The following DLX4 variants were observed in gnomAD, a reference collection of about 807,000 sequenced individuals.
DLX4 encodes distal-less homeobox 4.
Under a neutral mutation model 17.1 loss-of-function variants are expected in DLX4, and 13 were observed. The ratio of observed to expected loss-of-function variants is 0.76; its 90% CI spans 0.49 to 1.21. The LOEUF is 1.21. DLX4 is among the 50% of genes most tolerant of loss of function. The probability of loss-of-function intolerance (pLI) is 0.00; values close to 1 mark genes in which losing one functional copy is unlikely to be tolerated. For missense variants in DLX4, 297 were observed against 301.4 expected, an observed-to-expected ratio of 0.99 and a Z score of 0.11; for synonymous variants, 129 against 140.3, an observed-to-expected ratio of 0.92 and a Z score of 0.57.
In DLX4 at chr17:49,972,762, C is replaced by T. The variant is rs928918594; in HGVS notation, c.284-311C>T. The T allele has an allele frequency of 4.6e-5, 64 of 1,390,170 alleles. No individual in the cohort carries two copies. Among genetic ancestry groups the T allele is most frequent in the Non-Finnish European group, 5.7e-5 (61 of 1,078,640 alleles). 86.1% of individuals were successfully genotyped at this position (1,390,170 alleles called of 1,614,324 possible). A position where few individuals can be genotyped will look rare whatever the true frequency, so the allele number is the denominator to read the frequency against. ...ACCGCCCGTGGCTGAACTCCGACCTCCCACCGCAGGCGCCGCGGTACCCTG... is the reference window on the plus strand; with the variant it reads ...ACCGCCCGTGGCTGAACTCCGACCTTCCACCGCAGGCGCCGCGGTACCCTG... On this transcript the variant is annotated intron_variant, in intron 1 of 2. Transcript: ENST00000240306. The surrounding 1 kb of genome is among the most constrained non-coding windows in gnomAD (Gnocchi z 5.4).
chr17:49,973,363 T>A (rs1313418511), intron 2 of DLX4, 94 bp downstream of exon 2: 1 of 1,503,172 alleles, frequency 6.7e-7, no homozygotes, highest in Non-Finnish European at 9.0e-7. Context: ...GATGGATTGG[T>A]GCTGTGGCCC....
rs777442358 is a variant in DLX4 at position 49,973,302 on chromosome 17, C to T, written c.480+33C>T. ...CAGTGTCGTCCTTCCCCATCTCTCACCTTCCCTGGTTCTCTGGGAACTCAT... is the reference window on the plus strand; with the variant it reads ...CAGTGTCGTCCTTCCCCATCTCTCATCTTCCCTGGTTCTCTGGGAACTCAT... On this transcript the variant is annotated intron_variant, in intron 2 of 2. Transcript: ENST00000240306. 1.9e-6 allele frequency: 3 copies of T among 1,608,384 alleles called. No homozygotes were observed. In the Admixed American group the frequency reaches 5.0e-5, roughly 27 times the overall value.
intron 1 of DLX4, among the ~76,000 whole-genome samples, chr17:49,971,168 G>C (rs1905489969): frequency 1.3e-5 from 2 of 152,178 alleles, no homozygotes; most frequent in South Asian, 2.1e-4. Context: ...GCTGGCAGTA[G>C]GGTTGGTGTT....
In DLX4 at chr17:49,974,259, G is replaced by A. The variant is rs1036138803; in HGVS notation, c.*316G>A. On this transcript the variant is annotated 3_prime_UTR_variant, in exon 3 of 3. Coordinates refer to ENST00000240306, the MANE Select transcript of DLX4 (RefSeq NM_138281.3). The stretch of plus-strand genomic sequence containing the variant: ...GACTGTCCCCAGAACCCTTGGTCTT[G>A]CCACTCCCCCACTCCTTCTTCCCTC... 2.5e-5 allele frequency: 6 copies of A among 238,250 alleles called. No individual in the cohort carries two copies. The highest frequency in any genetic ancestry group is 1.3e-4 in the African/African-American group (6 of 44,594). 14.8% of individuals were successfully genotyped at this position (238,250 alleles called of 1,614,324 possible).
In DLX4 at chr17:49,972,287, C is replaced by G. The variant is rs1049526572; in HGVS notation, c.284-786C>G. 1.3e-5 allele frequency: 2 copies of G among 152,356 alleles called. No homozygotes were observed. Among genetic ancestry groups the G allele is most frequent in the South Asian group, 2.1e-4 (1 of 4,836 alleles). The allele number at this position is 152,356 out of a possible 1,614,324, so 9.4% of individuals were successfully genotyped here. ...CAGCGCGATCCAGGAGTGGCCCCGC[C>G]GGGCTACGCTGCGCGCTCTTGGAAC... On this transcript the variant is annotated intron_variant, in intron 1 of 2. Transcript: ENST00000240306. The surrounding 1 kb of genome is among the most constrained non-coding windows in gnomAD (Gnocchi z 5.4).
At chr17:49,970,171 C>T (rs1057482025) in intron 1 of DLX4, among the ~76,000 whole-genome samples, 7 of 152,134 alleles carry the variant, frequency 4.6e-5, no homozygotes, top group Non-Finnish European at 1.0e-4. Flanking sequence ...CTGCGTTAGT[C>T]TTGTCTCAGA....
Position 49,972,898 on chromosome 17 carries a change from A to C in DLX4, c.284-175A>C, listed in dbSNP as rs775359816. On this transcript the variant is annotated intron_variant, in intron 1 of 2. Transcript: ENST00000240306. The surrounding 1 kb of genome is among the most constrained non-coding windows in gnomAD (Gnocchi z 5.4). ...CCTGGCGCGGTGAACGTGGGGGTTGAAACGCTCCACGCGGAAGGTAGAGGG... is the reference window on the plus strand; with the variant it reads ...CCTGGCGCGGTGAACGTGGGGGTTGCAACGCTCCACGCGGAAGGTAGAGGG... The C allele has an allele frequency of 2.8e-6, 4 of 1,452,346 alleles. No individual in the cohort carries two copies. Among genetic ancestry groups the C allele is most frequent in the Non-Finnish European group, 3.6e-6 (4 of 1,099,160 alleles). 90.0% of individuals were successfully genotyped at this position (1,452,346 alleles called of 1,614,324 possible).
At chr17:49,971,645 C>A (rs1373222956) in intron 1 of DLX4, among the ~76,000 whole-genome samples, 1 of 152,130 alleles carries the variant, frequency 6.6e-6, no homozygotes, top group Non-Finnish European at 1.5e-5. Flanking sequence ...TCTGCGTCCC[C>A]GCTCGAATTG....
Position 49,973,965 on chromosome 17 carries a change from G to A in DLX4, c.*22G>A. Reference sequence around the variant, plus strand: ...GTGAATCTGGGGAAGGGCGGGTCAGGCCCACAGCCTTCCTGCAAAGCCCAG... The same window carrying A: ...GTGAATCTGGGGAAGGGCGGGTCAGACCCACAGCCTTCCTGCAAAGCCCAG... On this transcript the variant is annotated 3_prime_UTR_variant, in exon 3 of 3. Coordinates refer to ENST00000240306, the MANE Select transcript of DLX4 (RefSeq NM_138281.3). The A allele has an allele frequency of 6.3e-7, 1 of 1,579,644 alleles. No individual in the cohort carries two copies. Among genetic ancestry groups the A allele is most frequent in the Non-Finnish European group, 8.6e-7 (1 of 1,164,898 alleles).
intron 1 of DLX4, among the ~76,000 whole-genome samples, chr17:49,970,102 T>C (rs929848342): frequency 6.6e-6 from 1 of 152,148 alleles, no homozygotes; most frequent in Non-Finnish European, 1.5e-5. Flanking sequence ...CCTAGCCCCT[T>C]TGTCAGAATC....
At chr17:49,973,391 A>G (rs1905596332) in intron 2 of DLX4, 122 bp downstream of exon 2, 9 of 1,401,420 alleles carry the variant, frequency 6.4e-6, no homozygotes, top group South Asian at 1.3e-5. Context: ...ACAGTTCTCC[A>G]GGGAATGTTC....
Position 49,969,667 on chromosome 17 carries a change from G to C in DLX4, c.199G>C (p.Asp67His). The change falls in exon 1 of 3, where the codon GAC becomes CAC. Residue 67 changes from aspartate to histidine, a missense_variant. Transcript: ENST00000240306. Reference protein sequence around the residue: ...YPYTEPANPGDSYLSCQQPAA... With the variant: ...YPYTEPANPGHSYLSCQQPAA... ...CTACACCGAGCCAGCGAACCCCGGA[G>C]ACTCCTACCTGTCCTGCCAGCAACC... The C allele has an allele frequency of 6.2e-7, 1 of 1,609,022 alleles. No individual in the cohort carries two copies. The highest frequency in any genetic ancestry group is 1.3e-5 in the African/African-American group (1 of 74,988).
chr17:49,968,652 G>T (rs1187819198), upstream of DLX4, among the ~76,000 whole-genome samples: 1 of 151,906 alleles, frequency 6.6e-6, no homozygotes, highest in Non-Finnish European at 1.5e-5. Flanking sequence ...CCCCGCGGGG[G>T]CGTGCGCGCC....
At chr17:49,973,389 C>G (rs1308563576) in intron 2 of DLX4, 120 bp downstream of exon 2, 2 of 1,400,988 alleles carry the variant, frequency 1.4e-6, no homozygotes, top group Non-Finnish European at 9.7e-7. Context: ...TCACAGTTCT[C>G]CAGGGAATGT....
chr17:49,969,812 C>T, intron 1 of DLX4, 61 bp downstream of exon 1: 1 of 1,443,452 alleles, frequency 6.9e-7, no homozygotes, highest in Non-Finnish European at 9.1e-7. Context: ...CGCCCCTAAA[C>T]TTCTCCCTCG....
intron 1 of DLX4, among the ~76,000 whole-genome samples, chr17:49,971,620 G>A (rs890541400): frequency 3.9e-5 from 6 of 152,162 alleles, no homozygotes; most frequent in African/African-American, 1.2e-4. Flanking sequence ...CAGCAACCGG[G>A]TCGGCCTCAG....
chr17:49,971,382 CT>C (rs1905497995), intron 1 of DLX4, among the ~76,000 whole-genome samples: 2 of 152,152 alleles, frequency 1.3e-5, no homozygotes, highest in Admixed American at 6.5e-5. Context: ...TACTTCCACT[CT>C]ATGTCCACTC....
chr17:49,971,828 G>T (rs1479661760), intron 1 of DLX4: 3 of 152,258 alleles, frequency 2.0e-5, no homozygotes, highest in African/African-American at 4.8e-5. Context: ...TCAGAAGCCC[G>T]CAGCGCCCGA....
Position 49,972,991 on chromosome 17 carries a change from GA to G in DLX4, c.284-81del. On this transcript the variant is annotated intron_variant, in intron 1 of 2. Coordinates refer to ENST00000240306, the MANE Select transcript of DLX4 (RefSeq NM_138281.3). This position sits in a 1 kb window ranked among gnomAD's most constrained non-coding sequence, Gnocchi z 5.4. ...TTTGCTGCCGACGGCATGCAGACGAGATGCAAATAAGCTTATGAAACTGTCC... is the reference window on the plus strand; with the variant it reads ...TTTGCTGCCGACGGCATGCAGACGAGTGCAAATAAGCTTATGAAACTGTCC... 1 of 1,549,486 alleles carries G rather than the reference GA, an allele frequency of 6.5e-7. No individual in the cohort carries two copies. Among genetic ancestry groups the G allele is most frequent in the Non-Finnish European group, 8.7e-7 (1 of 1,143,222 alleles).
Sources: allele counts gnomAD v4.1 joint callset (sites outside exome capture counted in the v4.1 genomes callset), GRCh38; gene constraint gnomAD v4.1.1; non-coding constraint Gnocchi (gnomAD v3.1); transcripts MANE v1.5; gene names NCBI Gene and HGNC (gene_info 2026-07-23, HGNC 2026-07-21).